NAV2: variants seen among roughly 807,000 people sequenced by gnomAD.
NAV2 encodes the protein helicase, APC down-regulated 1.
Under a neutral mutation model 223.2 loss-of-function variants are expected in NAV2, and 54 were observed. That is an observed-to-expected ratio of 0.24 (90% CI 0.19 to 0.30). NAV2 has a LOEUF of 0.30. Ranked by LOEUF, NAV2 falls within the 10% of genes least tolerant of loss-of-function variation. The pLI is 1.00. For missense variants in NAV2, 2,806 were observed against 3,147.5 expected (o/e 0.89, Z 2.60); for synonymous variants, 1,279 against 1,239.3 (o/e 1.03, Z -0.67).
chr11:19,979,867 A>G (rs2050146904), intron 10 of NAV2, among the ~76,000 whole-genome samples: 2 of 152,184 alleles, frequency 1.3e-5, no homozygotes, highest in Admixed American at 6.5e-5. Flanking sequence ...TGGGATTTGA[A>G]CTCACCTGCC....
intron 3 of NAV2, among the ~76,000 whole-genome samples, chr11:19,862,244 A>G (rs973047338): frequency 6.6e-6 from 1 of 152,248 alleles, no homozygotes; most frequent in African/African-American, 2.4e-5. Flanking sequence ...CATCTTGGAA[A>G]GCTGAAGTTA....
intron 1 of NAV2, among the ~76,000 whole-genome samples, chr11:19,560,591 G>A (rs1226811208): frequency 6.6e-6 from 1 of 152,194 alleles, no homozygotes; most frequent in Non-Finnish European, 1.5e-5. Context: ...TAAACAACAT[G>A]CTGTGAATAT....
intron 1 of NAV2, among the ~76,000 whole-genome samples, chr11:19,591,692 G>A (rs1185985918): frequency 6.6e-6 from 1 of 152,188 alleles, no homozygotes; most frequent in African/African-American, 2.4e-5. Flanking sequence ...AACAACCATT[G>A]TGGGACCCTA....
chr11:19,537,541 C>T (rs550994392), intron 1 of NAV2, among the ~76,000 whole-genome samples: 1 of 152,336 alleles, frequency 6.6e-6, no homozygotes, highest in South Asian at 2.1e-4. Flanking sequence ...ATTTGATTTG[C>T]TGTGCAGTGG....
intron 1 of NAV2, among the ~76,000 whole-genome samples, chr11:19,802,233 C>A (rs1044775692): frequency 1.3e-5 from 2 of 152,180 alleles, no homozygotes; most frequent in Middle Eastern, 3.4e-3. Flanking sequence ...AAGGTCTTTA[C>A]CCCTGGCAGT....
intron 1 of NAV2, among the ~76,000 whole-genome samples, chr11:19,677,292 G>A (rs367796598): frequency 2.6e-5 from 4 of 152,236 alleles, no homozygotes; most frequent in Admixed American, 6.5e-5. Flanking sequence ...ACTGCATCAC[G>A]AAGCATGACT....
chr11:19,715,180 G>A (rs777909746), intron 1 of NAV2, among the ~76,000 whole-genome samples: 1 of 152,158 alleles, frequency 6.6e-6, no homozygotes, highest in African/African-American at 2.4e-5. Flanking sequence ...GCTGGAGAAG[G>A]CCCTCAAAGC....
chr11:20,058,099 G>C (rs2058477242), intron 19 of NAV2, among the ~76,000 whole-genome samples: 1 of 152,200 alleles, frequency 6.6e-6, no homozygotes. Flanking sequence ...AATAGAGTTT[G>C]TGTAATTAGG....
chr11:19,790,776 A>T (rs1431364307), intron 1 of NAV2, among the ~76,000 whole-genome samples: 2 of 152,062 alleles, frequency 1.3e-5, no homozygotes, highest in African/African-American at 4.8e-5. Flanking sequence ...ATCATGCAAC[A>T]CCAAGTCGCT....
intron 1 of NAV2, among the ~76,000 whole-genome samples, chr11:19,618,455 T>C (rs1039637062): frequency 8.0e-5 from 12 of 150,664 alleles, no homozygotes; most frequent in South Asian, 2.1e-4. Flanking sequence ...GGTGGATGGA[T>C]GGATGGGTAG....
At chr11:19,602,963 A>G (rs1427105109) in intron 1 of NAV2, among the ~76,000 whole-genome samples, 2 of 152,180 alleles carry the variant, frequency 1.3e-5, no homozygotes, top group Non-Finnish European at 2.9e-5. Flanking sequence ...AAGATGGAGA[A>G]AGGGAGGAAG....
chr11:20,045,073 C>G lies in NAV2; in HGVS notation c.3305C>G (p.Ser1102Cys). The change falls in exon 14 of 38, where the codon TCC becomes TGC. Residue 1102 changes from serine to cysteine, a missense_variant. Ser to Cys is a moderately radical substitution (Grantham distance 112). Around this residue, in one of 4 missense-constraint regions of NAV2, gnomAD observed 742 missense variants for 777.9 expected, o/e 0.95. Transcript: ENST00000349880. ...GCAGGCCGGAGCAGTGGTGACGAAT[C>G]CAAAAAGCCCCTCCCCAGCAGCTCT... The part of the protein sequence containing the change: ...SDAGRSSGDE[S>C]KKPLPSSSRT... The G allele has an allele frequency of 4.3e-6, 7 of 1,614,112 alleles. No homozygotes were observed. The highest frequency in any genetic ancestry group is 5.9e-6 in the Non-Finnish European group (7 of 1,180,022).
At chr11:19,659,971 T>C (rs981967002) in intron 1 of NAV2, among the ~76,000 whole-genome samples, 2 of 152,050 alleles carry the variant, frequency 1.3e-5, no homozygotes, top group Non-Finnish European at 2.9e-5. Flanking sequence ...ATTATTATTA[T>C]TATTATTGCT....
intron 1 of NAV2, among the ~76,000 whole-genome samples, chr11:19,572,223 G>A (rs930788496): frequency 2.0e-5 from 3 of 152,222 alleles, no homozygotes; most frequent in African/African-American, 7.2e-5. Flanking sequence ...CTGACAATAT[G>A]CTCCATGGCT....
At chr11:19,743,748 A>G (rs1313471905) in intron 1 of NAV2, among the ~76,000 whole-genome samples, 6 of 152,224 alleles carry the variant, frequency 3.9e-5, no homozygotes, top group Admixed American at 3.9e-4. Flanking sequence ...ATGATAGACA[A>G]AGAGCCTAGT....
At chr11:19,909,684 A>T (rs2043151858) in intron 6 of NAV2, among the ~76,000 whole-genome samples, 1 of 152,020 alleles carries the variant, frequency 6.6e-6, no homozygotes, top group South Asian at 2.1e-4. Flanking sequence ...TTTCTTCAGG[A>T]GCAAGCTTGG....
intron 26 of NAV2, among the ~76,000 whole-genome samples, chr11:20,089,055 G>T (rs1374997980): frequency 6.6e-6 from 1 of 151,476 alleles, no homozygotes. Flanking sequence ...ACAAACCACA[G>T]GCTATTCAAA....
chr11:19,460,496 T>C (rs540348056), intron 1 of NAV2, among the ~76,000 whole-genome samples: 96 of 152,236 alleles, frequency 6.3e-4, no homozygotes, highest in African/African-American at 2.1e-3. Flanking sequence ...TTTAAAAAAT[T>C]CCTTTGGTAG....
chr11:19,938,519 T>A (rs969438722), intron 7 of NAV2, among the ~76,000 whole-genome samples: 1 of 152,244 alleles, frequency 6.6e-6, no homozygotes, highest in Admixed American at 6.5e-5. Flanking sequence ...AATGCAGATA[T>A]TTATTGTGAA....
Sources: allele counts gnomAD v4.1 joint callset (sites outside exome capture counted in the v4.1 genomes callset), GRCh38; gene constraint gnomAD v4.1.1; regional missense constraint gnomAD v4.1.1; transcripts MANE v1.5; gene names NCBI Gene and HGNC (gene_info 2026-07-23, HGNC 2026-07-21).